NXPH1: variants seen among roughly 807,000 people sequenced by gnomAD.
NXPH1 encodes the protein neurexophilin 1.
In NXPH1, 5 loss-of-function variants were observed where a neutral mutation model predicts 23.7. That is an observed-to-expected ratio of 0.21 (90% CI 0.11 to 0.44). NXPH1 has a LOEUF of 0.44. NXPH1 is among the 20% of genes least tolerant of loss of function. The pLI, the probability that NXPH1 is intolerant of heterozygous loss-of-function variation, is 0.99. For missense variants in NXPH1, 324 were observed against 321.6 expected (o/e 1.01, Z -0.06); for synonymous variants, 144 against 122.2 (o/e 1.18, Z -1.18).
chr7:8,710,299 T>A lies in NXPH1; in HGVS notation c.55-40709T>A, dbSNP rs183344269. 2.6e-5 allele frequency among the ~76,000 whole-genome samples: 4 copies of A among 152,330 alleles called. No individual in the cohort carries two copies. In the East Asian group the frequency reaches 7.7e-4, roughly 29 times the overall value. On this transcript the variant is annotated intron_variant, in intron 2 of 2. Transcript: ENST00000405863. ...ATTTTCATTAAAAGCTCAAAGTCCC[T>A]GCTGTTAAAATGTCTCCAGGCAGCT...
Position 8,702,703 on chromosome 7 carries a change from CAT to C in NXPH1, c.55-48304_55-48303del, listed in dbSNP as rs534204420. Among the ~76,000 whole-genome samples the C allele has an allele frequency of 2.0e-3, 301 of 152,214 alleles. 2 individuals are homozygous for C. The Middle Eastern group carries it at 0.02, about 10-fold the overall frequency. The stretch of plus-strand genomic sequence containing the variant: ...TACTTATTTAAAGTGCTTTCACCTA[CAT>C]TATGCCTCCTGCTAGGAAGGCATAG... On this transcript the variant is annotated intron_variant, in intron 2 of 2. Coordinates refer to ENST00000405863, the MANE Select transcript of NXPH1 (RefSeq NM_152745.3).
At chr7:8,468,989 C>A (rs1816828195) in intron 2 of NXPH1, among the ~76,000 whole-genome samples, 1 of 151,948 alleles carries the variant, frequency 6.6e-6, no homozygotes. Context: ...ATTGATATAA[C>A]AATCTTGTTT....
intron 2 of NXPH1, among the ~76,000 whole-genome samples, chr7:8,457,441 T>A (rs766356866): frequency 2.0e-5 from 3 of 152,108 alleles, no homozygotes; most frequent in Non-Finnish European, 2.9e-5. Flanking sequence ...CAGCTAGGCC[T>A]GGAGGCCCAC....
chr7:8,740,826 A>T (rs1003297444), intron 2 of NXPH1, among the ~76,000 whole-genome samples: 2 of 152,042 alleles, frequency 1.3e-5, no homozygotes, highest in African/African-American at 4.8e-5. Flanking sequence ...ATTTATGTAT[A>T]CACTGTGAAA....
chr7:8,492,968 T>C (rs1817275536), intron 2 of NXPH1, among the ~76,000 whole-genome samples: 1 of 152,002 alleles, frequency 6.6e-6, no homozygotes, highest in Admixed American at 6.6e-5. Context: ...TCTCCTAAAA[T>C]GTAATCTATT....
intron 2 of NXPH1, among the ~76,000 whole-genome samples, chr7:8,672,880 G>A (rs1248297958): frequency 6.6e-6 from 1 of 152,088 alleles, no homozygotes; most frequent in Non-Finnish European, 1.5e-5. Context: ...TCTTTCCCCT[G>A]TGTGCTGCTA....
At chr7:8,586,549 G>T (rs139837029) in intron 2 of NXPH1, among the ~76,000 whole-genome samples, 24 of 151,816 alleles carry the variant, frequency 1.6e-4, no homozygotes, top group African/African-American at 4.3e-4. Flanking sequence ...GAGCCAAATA[G>T]CCAAGGTAGA....
At position 8,694,130 on chromosome 7, in the gene NXPH1, C is replaced by T. The variant is rs938031393; in HGVS notation, c.55-56878C>T. Among the ~76,000 whole-genome samples, 5 of 152,318 alleles carry T rather than the reference C, an allele frequency of 3.3e-5. No homozygotes were observed. The South Asian group carries it at 6.2e-4, about 19-fold the overall frequency. On this transcript the variant is annotated intron_variant, in intron 2 of 2. Coordinates refer to ENST00000405863, the MANE Select transcript of NXPH1 (RefSeq NM_152745.3). ...TTAGGACACTCATGATGATCTGTCA[C>T]TCCTGGAACATGCTGGGGCAGACCA...
intron 2 of NXPH1, among the ~76,000 whole-genome samples, chr7:8,744,863 T>A (rs1303341733): frequency 1.3e-5 from 2 of 152,206 alleles, no homozygotes; most frequent in Non-Finnish European, 2.9e-5. Context: ...TTCCTCTTTT[T>A]CTCTGCTACT....
At chr7:8,672,419 A>G (rs938508557) in intron 2 of NXPH1, among the ~76,000 whole-genome samples, 1 of 152,114 alleles carries the variant, frequency 6.6e-6, no homozygotes, top group Non-Finnish European at 1.5e-5. Context: ...ATGTATACAT[A>G]TGTAACTAAC....
At chr7:8,541,364 T>A (rs899637354) in intron 2 of NXPH1, among the ~76,000 whole-genome samples, 1 of 151,616 alleles carries the variant, frequency 6.6e-6, no homozygotes, top group Non-Finnish European at 1.5e-5. Flanking sequence ...CAACCTAATA[T>A]ATATATAATT....
chr7:8,704,559 C>G (rs1367063741), intron 2 of NXPH1, among the ~76,000 whole-genome samples: 1 of 152,076 alleles, frequency 6.6e-6, no homozygotes, highest in African/African-American at 2.4e-5. Flanking sequence ...TTCTGGAATT[C>G]TACAGGGGCA....
intron 2 of NXPH1, among the ~76,000 whole-genome samples, chr7:8,613,031 A>G (rs2128629903): frequency 6.6e-6 from 1 of 152,144 alleles, no homozygotes; most frequent in African/African-American, 2.4e-5. Flanking sequence ...GTGTGTTGCC[A>G]AACTATAGGG....
chr7:8,602,462 G>A (rs897553199), intron 2 of NXPH1, among the ~76,000 whole-genome samples: 1 of 152,036 alleles, frequency 6.6e-6, no homozygotes, highest in Non-Finnish European at 1.5e-5. Context: ...GCAGTTTTGG[G>A]TACTGGGTTC....
At chr7:8,458,695 A>G (rs537275223) in intron 2 of NXPH1, among the ~76,000 whole-genome samples, 22 of 146,686 alleles carry the variant, frequency 1.5e-4, no homozygotes, top group Middle Eastern at 3.4e-3. Flanking sequence ...TGATTGCGGC[A>G]TTTGGTTAAC....
chr7:8,562,862 T>C (rs1347483041), intron 2 of NXPH1, among the ~76,000 whole-genome samples: 1 of 151,658 alleles, frequency 6.6e-6, no homozygotes, highest in African/African-American at 2.4e-5. Flanking sequence ...GTGGTGAGAA[T>C]ATCAATGACA....
At chr7:8,590,146 A>T (rs536380847) in intron 2 of NXPH1, among the ~76,000 whole-genome samples, 19 of 152,136 alleles carry the variant, frequency 1.2e-4, no homozygotes, top group African/African-American at 4.6e-4. Context: ...CTATGTTGGG[A>T]ATCTACTTGG....
intron 2 of NXPH1, among the ~76,000 whole-genome samples, chr7:8,730,479 C>T (rs1452380424): frequency 7.9e-5 from 12 of 151,970 alleles, no homozygotes; most frequent in Admixed American, 4.6e-4. Flanking sequence ...CAGCTGGTAC[C>T]GGTTGTTCCT....
At chr7:8,747,262 T>G (rs1464989569) in intron 2 of NXPH1, among the ~76,000 whole-genome samples, 2 of 152,358 alleles carry the variant, frequency 1.3e-5, no homozygotes, top group East Asian at 3.9e-4. Flanking sequence ...CCATAATTAC[T>G]ACAGCTGTGG....
Sources: allele counts gnomAD v4.1 joint callset (sites outside exome capture counted in the v4.1 genomes callset), GRCh38; gene constraint gnomAD v4.1.1; transcripts MANE v1.5; gene names NCBI Gene and HGNC (gene_info 2026-07-23, HGNC 2026-07-21).